The following TENM2 variants were observed in gnomAD, a reference collection of about 807,000 sequenced individuals.
TENM2 encodes the protein teneurin transmembrane protein 2.
A neutral mutation model predicts 245.2 loss-of-function variants in TENM2; 52 were observed. The observed-to-expected ratio is 0.21, with a 90% confidence interval of 0.17 to 0.27. The LOEUF (loss-of-function observed/expected upper bound fraction) is 0.27. Among genes scored for constraint, TENM2 ranks in the 10% least tolerant of loss-of-function variants. TENM2 has a pLI of 1.00. For missense variants in TENM2, 3,046 were observed against 3,666.8 expected (o/e 0.83, Z 4.37); for synonymous variants, 1,363 against 1,438.9 (o/e 0.95, Z 1.19).
At chr5:167,097,976 T>C in the TENM2 span, among the ~76,000 whole-genome samples, 13 of 152,196 alleles carry the variant, frequency 8.5e-5, no homozygotes, top group Non-Finnish European at 1.3e-4. Flanking sequence ...TAGAATGATG[T>C]TACTTACCAT....
At chr5:168,133,648 TTTGA>T (rs1411173520) in intron 12 of TENM2, among the ~76,000 whole-genome samples, 1 of 152,242 alleles carries the variant, frequency 6.6e-6, no homozygotes, top group Non-Finnish European at 1.5e-5. Context: ...TTGTTGTTTG[TTTGA>T]TTGTCTGCTC....
the TENM2 span, among the ~76,000 whole-genome samples, chr5:167,017,022 C>T: frequency 6.6e-6 from 1 of 152,194 alleles, no homozygotes; most frequent in Non-Finnish European, 1.5e-5. Context: ...ATTACTATAA[C>T]TTTATACAAA....
intron 5 of TENM2, among the ~76,000 whole-genome samples, chr5:168,047,142 G>A (rs1005227142): frequency 7.2e-5 from 11 of 152,136 alleles, no homozygotes; most frequent in Non-Finnish European, 1.6e-4. Context: ...CCCCTCCATG[G>A]TGGCACCGTT....
chr5:168,200,070 C>T (rs1483814897), exon 17 of TENM2: 1 of 1,613,880 alleles, frequency 6.2e-7, no homozygotes, highest in South Asian at 1.1e-5. Flanking sequence ...TGGCCTACAC[C>T]TTCATCTGGG....
chr5:167,934,835 CA>C, intron 3 of TENM2: 1 of 985,254 alleles, frequency 1.0e-6, no homozygotes, highest in Non-Finnish European at 1.2e-6. Context: ...GGGCAGCTAG[CA>C]AAGACCAGTG....
chr5:168,232,317 C>T (rs1478217383), intron 25 of TENM2: 1 of 152,236 alleles, frequency 6.6e-6, no homozygotes, highest in East Asian at 1.9e-4. Context: ...TTGACAGGCT[C>T]TCCCCATGAT....
At chr5:167,492,247 G>T (rs1229162529) in intron 2 of TENM2, among the ~76,000 whole-genome samples, 1 of 152,100 alleles carries the variant, frequency 6.6e-6, no homozygotes, top group Non-Finnish European at 1.5e-5. Context: ...AAGGGCACAG[G>T]CTTTGGACTA....
intron 12 of TENM2, among the ~76,000 whole-genome samples, chr5:168,146,508 T>C (rs1468581392): frequency 2.6e-5 from 4 of 152,206 alleles, no homozygotes; most frequent in Non-Finnish European, 2.9e-5. Flanking sequence ...GCTCATCTTA[T>C]ACCAAATCAG....
chr5:167,082,361 G>A, the TENM2 span, among the ~76,000 whole-genome samples: 1 of 151,900 alleles, frequency 6.6e-6, no homozygotes, highest in African/African-American at 2.4e-5. Context: ...CCCGATTATT[G>A]CAACCTCCAC....
intron 2 of TENM2, among the ~76,000 whole-genome samples, chr5:167,807,124 TA>T (rs1178739925): frequency 0.029 from 1,443 of 48,936 alleles, 9 homozygotes; most frequent in African/African-American, 0.038. Flanking sequence ...GCCCCTAGGT[TA>T]AAAAAAAAAA....
At chr5:168,003,239 A>G (rs2152048698) in intron 5 of TENM2, among the ~76,000 whole-genome samples, 1 of 152,120 alleles carries the variant, frequency 6.6e-6, no homozygotes, top group Non-Finnish European at 1.5e-5. Flanking sequence ...ATTTTTATCC[A>G]GTCTGTTTTA....
At chr5:168,220,758 G>A (rs1000232983) in intron 23 of TENM2, among the ~76,000 whole-genome samples, 4 of 152,242 alleles carry the variant, frequency 2.6e-5, no homozygotes, top group African/African-American at 9.6e-5. Context: ...CATAGCCTTA[G>A]CCAAAACTTT....
intron 2 of TENM2, among the ~76,000 whole-genome samples, chr5:167,511,980 A>G (rs1769986585): frequency 6.6e-6 from 1 of 152,188 alleles, no homozygotes; most frequent in South Asian, 2.1e-4. Context: ...GGCAGAACAC[A>G]TGGATTTTAA....
exon 11 of TENM2, chr5:168,124,945 G>A: frequency 3.1e-6 from 5 of 1,612,570 alleles, no homozygotes; most frequent in Non-Finnish European, 4.2e-6. Flanking sequence ...CTGTGAGCTG[G>A]CGAGGGTCCA....
At chr5:167,233,346 C>T in the TENM2 span, among the ~76,000 whole-genome samples, 1 of 151,878 alleles carries the variant, frequency 6.6e-6, no homozygotes, top group African/African-American at 2.4e-5. Context: ...TAGCGGCCCC[C>T]CTTCTTTTTA....
chr5:168,251,666 G>A (rs1363947114), intron 27 of TENM2, among the ~76,000 whole-genome samples: 1 of 152,238 alleles, frequency 6.6e-6, no homozygotes, highest in African/African-American at 2.4e-5. Flanking sequence ...GACTAGCAGA[G>A]TGGCTGAACT....
At chr5:168,099,112 G>T (rs1446737324) in intron 9 of TENM2, among the ~76,000 whole-genome samples, 3 of 151,950 alleles carry the variant, frequency 2.0e-5, no homozygotes, top group Non-Finnish European at 4.4e-5. Flanking sequence ...GTTTCACTAT[G>T]TTGGCCAGGC....
chr5:167,301,676 G>A (rs1041299711), intron 1 of TENM2, among the ~76,000 whole-genome samples: 12 of 152,112 alleles, frequency 7.9e-5, no homozygotes, highest in South Asian at 2.1e-4. Context: ...GCTGTAAAGC[G>A]TCTCAGGGTT....
intron 2 of TENM2, among the ~76,000 whole-genome samples, chr5:167,388,718 G>A (rs993472662): frequency 2.6e-5 from 4 of 151,850 alleles, no homozygotes; most frequent in African/African-American, 4.8e-5. Flanking sequence ...CATTCAGTTC[G>A]AATAATTTTT....
Sources: allele counts gnomAD v4.1 joint callset (sites outside exome capture counted in the v4.1 genomes callset), GRCh38; gene constraint gnomAD v4.1.1; transcripts MANE v1.5; gene names NCBI Gene and HGNC (gene_info 2026-07-23, HGNC 2026-07-21).